The following SCMH1 variants were observed in gnomAD, a reference collection of about 807,000 sequenced individuals.
The protein encoded by SCMH1 is Scm polycomb group protein homolog 1, also known as polycomb protein SCMH1.
In SCMH1, 37 loss-of-function variants were observed where a neutral mutation model predicts 70.8. The observed-to-expected ratio is 0.52, with a 90% CI of 0.40 to 0.69. The LOEUF is 0.69. SCMH1 is among the 30% of genes least tolerant of loss of function. The probability of loss-of-function intolerance (pLI) is 0.00; values close to 1 mark genes in which losing one functional copy is unlikely to be tolerated. For synonymous variants in SCMH1, 292 were observed against 307.4 expected, an observed-to-expected ratio of 0.95 and a Z score of 0.52; for missense variants, 607 against 827.3, an observed-to-expected ratio of 0.73 and a Z score of 3.27.
At chr1:41,105,797 G>A (rs1667741843) in intron 8 of SCMH1, among the ~76,000 whole-genome samples, 1 of 151,582 alleles carries the variant, frequency 6.6e-6, no homozygotes, top group Non-Finnish European at 1.5e-5. Flanking sequence ...ATCTGAATCC[G>A]TCCTTTCATT....
chr1:41,047,392 CTTTTTTTTTT>C (rs397861246), intron 11 of SCMH1, among the ~76,000 whole-genome samples: 24 of 112,440 alleles, frequency 2.1e-4, no homozygotes, highest in African/African-American at 7.7e-4. Context: ...ACTTCCCAGT[CTTTTTTTTTT>C]TTTTTTTTTT....
intron 1 of SCMH1, among the ~76,000 whole-genome samples, chr1:41,214,601 G>C (rs1019279173): frequency 3.9e-5 from 6 of 152,088 alleles, no homozygotes; most frequent in African/African-American, 1.4e-4. Context: ...ATGCAAGATG[G>C]CTAGGACAAC....
At chr1:41,227,344 A>G (rs1018633856) in intron 1 of SCMH1, among the ~76,000 whole-genome samples, 5 of 152,216 alleles carry the variant, frequency 3.3e-5, no homozygotes, top group African/African-American at 1.2e-4. Context: ...CTCCTCGTAG[A>G]GCACTAAACA....
chr1:41,060,784 T>TA (rs1652350095), intron 10 of SCMH1, among the ~76,000 whole-genome samples: 1 of 152,144 alleles, frequency 6.6e-6, no homozygotes, highest in Admixed American at 6.5e-5. Context: ...AGCTTGGGGC[T>TA]ACAGGCATGC....
intron 8 of SCMH1, among the ~76,000 whole-genome samples, chr1:41,081,935 G>A (rs753568623): frequency 2.0e-5 from 3 of 152,074 alleles, no homozygotes; most frequent in Non-Finnish European, 2.9e-5. Context: ...TGATAAATGT[G>A]CCCTTGCAAT....
intron 1 of SCMH1, among the ~76,000 whole-genome samples, chr1:41,227,380 T>C (rs1660475783): frequency 6.6e-6 from 1 of 152,238 alleles, no homozygotes. Flanking sequence ...TCACTCTGTT[T>C]AAATTTAATG....
At chr1:41,103,027 T>C (rs970030195) in intron 8 of SCMH1, among the ~76,000 whole-genome samples, 1 of 152,188 alleles carries the variant, frequency 6.6e-6, no homozygotes, top group Non-Finnish European at 1.5e-5. Flanking sequence ...TATATGAATG[T>C]TTATGTTTTG....
At chr1:41,210,692 T>C (rs576502819) in intron 1 of SCMH1, among the ~76,000 whole-genome samples, 2 of 152,270 alleles carry the variant, frequency 1.3e-5, no homozygotes, top group South Asian at 4.1e-4. Flanking sequence ...CTTTACACCT[T>C]ATACAAAAAT....
chr1:41,174,187 C>T (rs566447937), intron 2 of SCMH1, among the ~76,000 whole-genome samples: 2 of 151,688 alleles, frequency 1.3e-5, no homozygotes, highest in East Asian at 3.9e-4. Context: ...TGAAATATCA[C>T]ACTGTACCCA....
At chr1:41,037,454 A>G in exon 13 of SCMH1, 1 of 1,614,198 alleles carries the variant, frequency 6.2e-7, no homozygotes, top group Non-Finnish European at 8.5e-7. Flanking sequence ...GGTGCTGACA[A>G]GGTTGGTGGG....
At position 41,184,379 on chromosome 1, in the gene SCMH1, A is replaced by G. The variant is rs192636745; in HGVS notation, c.13+1742T>C. Among the ~76,000 whole-genome samples the G allele has an allele frequency of 4.6e-5, 7 of 152,346 alleles. No individual in the cohort carries two copies. The East Asian group carries it at 1.2e-3, about 25-fold the overall frequency. ...CAGGAAACAGCAATGAAAGATATGTAATAGTCCACAAAGGGAGTAAATCTG... is the reference window on the plus strand; with the variant it reads ...CAGGAAACAGCAATGAAAGATATGTGATAGTCCACAAAGGGAGTAAATCTG... On this transcript the variant is annotated intron_variant, in intron 2 of 14. Transcript: ENST00000337495.
At chr1:41,155,806 A>C (rs1438487678) in intron 4 of SCMH1, among the ~76,000 whole-genome samples, 2 of 151,824 alleles carry the variant, frequency 1.3e-5, no homozygotes, top group African/African-American at 4.8e-5. Flanking sequence ...ACATGATGAA[A>C]CCTCGTCTCT....
At chr1:41,081,507 A>G (rs1315385183) in intron 8 of SCMH1, among the ~76,000 whole-genome samples, 3 of 152,238 alleles carry the variant, frequency 2.0e-5, no homozygotes, top group African/African-American at 7.2e-5. Flanking sequence ...ATTCATTATA[A>G]AGTTACAGTA....
chr1:41,194,471 G>T (rs890607922), intron 1 of SCMH1, among the ~76,000 whole-genome samples: 3 of 152,184 alleles, frequency 2.0e-5, no homozygotes, highest in African/African-American at 7.2e-5. Flanking sequence ...AGTGAAATTA[G>T]ATTTCATCAG....
chr1:41,182,370 C>T (rs1003532756), intron 2 of SCMH1, among the ~76,000 whole-genome samples: 3 of 151,968 alleles, frequency 2.0e-5, no homozygotes, highest in African/African-American at 7.2e-5. Flanking sequence ...AAAACAAAAT[C>T]CATACTCAAT....
intron 4 of SCMH1, among the ~76,000 whole-genome samples, chr1:41,156,701 A>T (rs1267845933): frequency 6.6e-6 from 1 of 152,148 alleles, no homozygotes; most frequent in Non-Finnish European, 1.5e-5. Flanking sequence ...GGCCTCCCAA[A>T]GTGCTGGGAT....
chr1:41,185,955 C>T (rs1397726429), intron 2 of SCMH1, 166 bp downstream of exon 2: 2 of 555,314 alleles, frequency 3.6e-6, no homozygotes, highest in African/African-American at 3.9e-5. Flanking sequence ...AACTTCAGAC[C>T]TCCTCTCCCA....
chr1:41,158,505 C>A (rs559528050), intron 4 of SCMH1, among the ~76,000 whole-genome samples: 1 of 152,186 alleles, frequency 6.6e-6, no homozygotes, highest in African/African-American at 2.4e-5. Context: ...TTGTTTCAGA[C>A]AGAAAGAAAG....
chr1:41,081,430 T>C (rs935853453), intron 8 of SCMH1, among the ~76,000 whole-genome samples: 17 of 152,238 alleles, frequency 1.1e-4, no homozygotes, highest in African/African-American at 3.9e-4. Flanking sequence ...GCAAAGGACC[T>C]ATAGTAGCCA....
Sources: gnomAD v4.1 joint callset for allele counts (sites outside exome capture counted in the v4.1 genomes callset) on GRCh38, gnomAD v4.1.1 for gene constraint, MANE v1.5 for transcripts, NCBI Gene and HGNC (gene_info 2026-07-23, HGNC 2026-07-21) for gene names.